The following PSMD5 variants were observed in gnomAD, a reference collection of about 807,000 sequenced individuals.
PSMD5 encodes the protein proteasome 26S subunit, non-ATPase 5.
Under a neutral mutation model 52.1 loss-of-function variants are expected in PSMD5, and 40 were observed. The ratio of observed to expected loss-of-function variants is 0.77; its 90% confidence interval spans 0.60 to 1.00. The LOEUF (loss-of-function observed/expected upper bound fraction) is 1.00, where lower values mean the gene tolerates loss of function less well. Ranked by LOEUF, PSMD5 falls within the 50% of genes least tolerant of loss-of-function variation. PSMD5 has a pLI of 0.00. For synonymous variants in PSMD5, 211 were observed against 226.6 expected, an observed-to-expected ratio of 0.93 and a Z score of 0.62; for missense variants, 575 against 605.2, an observed-to-expected ratio of 0.95 and a Z score of 0.52.
Position 120,817,494 on chromosome 9 carries a change from T to C in PSMD5, c.*412A>G, listed in dbSNP as rs2045051244. ...CATATTGGCCAGGCTGGTCTTGAAC[T>C]CCTAGACTCAAGTGATTTGCCCATC... On this transcript the variant is annotated 3_prime_UTR_variant, in exon 10 of 10. Coordinates refer to ENST00000210313, the MANE Select transcript of PSMD5 (RefSeq NM_005047.4). The C allele has an allele frequency of 6.1e-6, 1 of 164,482 alleles. No homozygotes were observed. Among genetic ancestry groups the C allele is most frequent in the Non-Finnish European group, 1.3e-5 (1 of 75,172 alleles). The allele number at this position is 164,482 out of a possible 1,614,324, so 10.2% of individuals were successfully genotyped here. A position where few individuals can be genotyped will look rare whatever the true frequency, so the allele number is the denominator to read the frequency against.
chr9:120,822,404 T>C (rs1324144023), intron 7 of PSMD5, among the ~76,000 whole-genome samples: 1 of 152,224 alleles, frequency 6.6e-6, no homozygotes, highest in African/African-American at 2.4e-5. Flanking sequence ...CTACCTTATC[T>C]GGAAAATGAA....
At chr9:120,825,609 A>G (rs2045116693) in intron 6 of PSMD5, among the ~76,000 whole-genome samples, 1 of 152,102 alleles carries the variant, frequency 6.6e-6, no homozygotes, top group Non-Finnish European at 1.5e-5. Flanking sequence ...ATCAGTTTTT[A>G]TAGTTTTCAG....
At chr9:120,831,723 C>A in intron 3 of PSMD5, 109 bp downstream of exon 3, 2 of 1,458,266 alleles carry the variant, frequency 1.4e-6, no homozygotes, top group South Asian at 1.4e-5. Flanking sequence ...AATTCCATTA[C>A]GCAAATCATC....
At chr9:120,822,812 C>A (rs528351798) in intron 7 of PSMD5, among the ~76,000 whole-genome samples, 1 of 152,124 alleles carries the variant, frequency 6.6e-6, no homozygotes, top group South Asian at 2.1e-4. Flanking sequence ...CAGGCATGAG[C>A]CACCTCGCCT....
At chr9:120,840,705 T>C (rs958206141) in intron 1 of PSMD5, among the ~76,000 whole-genome samples, 2 of 149,638 alleles carry the variant, frequency 1.3e-5, no homozygotes, top group Non-Finnish European at 3.0e-5. Context: ...CCGCAACCTC[T>C]GCCTCCCAGG....
intron 4 of PSMD5, among the ~76,000 whole-genome samples, chr9:120,829,899 A>G (rs72758125): frequency 1.3e-5 from 2 of 152,326 alleles, no homozygotes; most frequent in African/African-American, 2.4e-5. Context: ...ACTGAGAGAT[A>G]TAGGAAGACA....
chr9:120,842,560 G>T, intron 1 of PSMD5, 177 bp downstream of exon 1: 2 of 760,254 alleles, frequency 2.6e-6, no homozygotes, highest in Non-Finnish European at 4.2e-6. Flanking sequence ...ACTCTCAGAG[G>T]CTGAACCTGA....
At chr9:120,836,032 ACCACCATT>A (rs1272604856) in intron 1 of PSMD5, among the ~76,000 whole-genome samples, 1 of 152,126 alleles carries the variant, frequency 6.6e-6, no homozygotes, top group African/African-American at 2.4e-5. Context: ...GCACCTGGCA[ACCACCATT>A]CCACTTTCTG....
intron 7 of PSMD5, among the ~76,000 whole-genome samples, chr9:120,822,276 C>T (rs112762377): frequency 3.1e-4 from 47 of 152,188 alleles, no homozygotes; most frequent in African/African-American, 9.9e-4. Flanking sequence ...CATAATTACA[C>T]GCAACACAGC....
rs562307297 is a variant in PSMD5 at position 120,824,180 on chromosome 9, C to T, written c.1006+314G>A. 40 of 314,356 alleles carry T rather than the reference C, an allele frequency of 1.3e-4. 1 individual carries two copies. In the South Asian group the frequency reaches 1.5e-3, roughly 12 times the overall value. 19.5% of individuals were successfully genotyped at this position (314,356 alleles called of 1,614,324 possible). ...AATCCAGACCTTTCTGACTCTAGCC[C>T]GTGGTCTTTGTACCATGAAATCTAG... On this transcript the variant is annotated intron_variant, in intron 7 of 9. Coordinates refer to ENST00000210313, the MANE Select transcript of PSMD5 (RefSeq NM_005047.4).
rs1564473032 is a variant in PSMD5, at chr9:120,817,946, A to G, written c.1475T>C (p.Val492Ala). 6.2e-7 allele frequency: 1 copy of G among 1,614,190 alleles called. No individual in the cohort carries two copies. The highest frequency in any genetic ancestry group is 2.2e-5 in the East Asian group (1 of 44,886). The change falls in exon 10 of 10, where the codon GTG becomes GCG. Residue 492 changes from valine (V) to alanine (A), a missense_variant. Coordinates refer to ENST00000210313, the MANE Select transcript of PSMD5 (RefSeq NM_005047.4). ...TACTGCTGTCGTGGAAACAGGTTTCACATAGTATGGCCCTTCACTCAGGTA... is the reference window on the plus strand; with the variant it reads ...TACTGCTGTCGTGGAAACAGGTTTCGCATAGTATGGCCCTTCACTCAGGTA... Reference protein sequence around the residue: ...RTYLSEGPYYVKPVSTTAVEG... With the variant: ...RTYLSEGPYYAKPVSTTAVEG...
At chr9:120,822,480 G>A (rs1205324397) in intron 7 of PSMD5, among the ~76,000 whole-genome samples, 1 of 152,112 alleles carries the variant, frequency 6.6e-6, no homozygotes, top group East Asian at 1.9e-4. Context: ...CTTAGAAAAC[G>A]ACATATAACA....
intron 2 of PSMD5, 104 bp from the exon 3 acceptor site, chr9:120,832,049 A>G: frequency 6.7e-7 from 1 of 1,487,374 alleles, no homozygotes; most frequent in South Asian, 1.4e-5. Context: ...GGAGTTAGTG[A>G]TCACAGCTAT....
intron 5 of PSMD5, among the ~76,000 whole-genome samples, 165 bp downstream of exon 5, chr9:120,828,934 G>A (rs745745609): frequency 1.3e-5 from 2 of 152,158 alleles, no homozygotes; most frequent in African/African-American, 4.8e-5. Context: ...ATGTTGTCAC[G>A]ATGTAACTTG....
intron 9 of PSMD5, 37 bp downstream of exon 9, chr9:120,820,802 C>T (rs2045078050): frequency 1.3e-6 from 2 of 1,515,922 alleles, no homozygotes; most frequent in South Asian, 1.4e-5. Context: ...GTTGAGCTGG[C>T]AGGGTCCCAG....
chr9:120,820,638 C>T (rs2045076934), intron 9 of PSMD5, among the ~76,000 whole-genome samples: 1 of 152,200 alleles, frequency 6.6e-6, no homozygotes, highest in Admixed American at 6.5e-5. Context: ...CTGTTCAAAC[C>T]TCAAACAGCA....
Position 120,840,431 on chromosome 9 carries a change from T to TTTA in PSMD5, c.173+2303_173+2305dup, listed in dbSNP as rs990432135. Among the ~76,000 whole-genome samples, 32 of 150,038 alleles carry TTTA rather than the reference T, an allele frequency of 2.1e-4. No homozygotes were observed. In the East Asian group the frequency reaches 3.7e-3, roughly 18 times the overall value. ...CACTGCTCCCGGTCTACAAAGTGTT[T>TTTA]TTATTATTATTATTATATTATTATT... On this transcript the variant is annotated intron_variant, in intron 1 of 9. Coordinates refer to ENST00000210313, the MANE Select transcript of PSMD5 (RefSeq NM_005047.4).
At chr9:120,831,724 G>A (rs2045161428) in intron 3 of PSMD5, 108 bp downstream of exon 3, 14 of 1,457,422 alleles carry the variant, frequency 9.6e-6, no homozygotes, top group South Asian at 1.4e-5. Context: ...ATTCCATTAC[G>A]CAAATCATCC....
Position 120,831,362 on chromosome 9 carries a change from G to T in PSMD5, c.530C>A (p.Thr177Lys). The T allele has an allele frequency of 6.2e-7, 1 of 1,611,342 alleles. No individual in the cohort carries two copies. ...CACCCTGTATCGAACAATGTCATTT[G>T]TTTTCATTACACTTTTCAAATCATC... is the stretch of plus-strand genomic sequence containing the variant. ...LLDDLKSVMKTNDIVRYRVYE... is the reference protein window; with the variant it reads ...LLDDLKSVMKKNDIVRYRVYE... Residue 177 changes from threonine to lysine, a missense_variant, in exon 4 of 10, where the codon ACA (threonine) becomes AAA (lysine). Physicochemically the swap from Thr to Lys is moderately conservative, Grantham distance 78. Coordinates refer to ENST00000210313, the MANE Select transcript of PSMD5 (RefSeq NM_005047.4).
Sources: gnomAD v4.1 joint callset for allele counts (sites outside exome capture counted in the v4.1 genomes callset) on GRCh38, gnomAD v4.1.1 for gene constraint, MANE v1.5 for transcripts, NCBI Gene and HGNC (gene_info 2026-07-23, HGNC 2026-07-21) for gene names.